The following HEXB variants were observed in gnomAD, a reference collection of about 807,000 sequenced individuals.
HEXB encodes the protein beta-hexosaminidase subunit beta.
HEXB carries 51 observed loss-of-function variants against 71.2 expected under a neutral mutation model. The observed-to-expected ratio is 0.72, with a 90% CI of 0.57 to 0.90. HEXB has a LOEUF of 0.90. Ranked by LOEUF, HEXB falls within the 40% of genes least tolerant of loss-of-function variation. HEXB has a pLI of 0.00. For synonymous variants in HEXB, 266 were observed against 249.3 expected (o/e 1.07, Z -0.63); for missense variants, 617 against 677.0 (o/e 0.91, Z 0.98).
chr5:74,657,322 C>G (rs1748239092), intron 1 of HEXB, among the ~76,000 whole-genome samples: 1 of 152,176 alleles, frequency 6.6e-6, no homozygotes, highest in Non-Finnish European at 1.5e-5. Flanking sequence ...AGGACACTGG[C>G]ACTTACTGTT....
intron 6 of HEXB, among the ~76,000 whole-genome samples, chr5:74,709,910 A>G (rs1426535747): frequency 1.3e-5 from 2 of 151,948 alleles, no homozygotes; most frequent in Non-Finnish European, 2.9e-5. Context: ...CAATAGAAAA[A>G]GAGGGAATCC....
chr5:74,642,233 C>T (rs557289639), intron 1 of HEXB, among the ~76,000 whole-genome samples: 1 of 152,322 alleles, frequency 6.6e-6, no homozygotes, highest in African/African-American at 2.4e-5. Context: ...TTAGCATTAA[C>T]TCGGCAGCCT....
intron 1 of HEXB, among the ~76,000 whole-genome samples, chr5:74,661,511 CTCTGTGTGTGTGTGTGTGTGTGTG>C (rs1443565990): frequency 1.6e-5 from 2 of 127,740 alleles, no homozygotes; most frequent in Non-Finnish European, 3.2e-5. Context: ...TTTTCTCTCT[CTCTGTGTGTGTGTGTGTGTGTGTG>C]TGTGTGTGTG....
At chr5:74,671,045 C>G (rs1487335674) in intron 1 of HEXB, among the ~76,000 whole-genome samples, 3 of 152,108 alleles carry the variant, frequency 2.0e-5, no homozygotes, top group African/African-American at 7.2e-5. Flanking sequence ...AGTCTTCAGC[C>G]AGCAAAGTGA....
intron 2 of HEXB, among the ~76,000 whole-genome samples, chr5:74,692,047 G>A (rs1190577428): frequency 6.6e-6 from 1 of 152,138 alleles, no homozygotes; most frequent in Non-Finnish European, 1.5e-5. Flanking sequence ...TCAGCCAGTT[G>A]TCAACTATTA....
chr5:74,695,289 C>T (rs1470873849), intron 3 of HEXB, among the ~76,000 whole-genome samples: 7 of 148,382 alleles, frequency 4.7e-5, no homozygotes, highest in Admixed American at 1.3e-4. Context: ...CTGCAAGCTC[C>T]GCCTCATGGG....
At chr5:74,677,801 G>C (rs2112111506) in intron 1 of HEXB, among the ~76,000 whole-genome samples, 1 of 152,046 alleles carries the variant, frequency 6.6e-6, no homozygotes, top group Non-Finnish European at 1.5e-5. Context: ...TAGTGCACTG[G>C]TCACCTGAGT....
intron 1 of HEXB, among the ~76,000 whole-genome samples, chr5:74,649,382 A>G (rs1259730568): frequency 6.6e-6 from 1 of 152,258 alleles, no homozygotes; most frequent in Non-Finnish European, 1.5e-5. Context: ...GGAGCTAGTA[A>G]CAATGACTAG....
At chr5:74,662,807 T>G (rs1748351870) in intron 1 of HEXB, among the ~76,000 whole-genome samples, 1 of 152,186 alleles carries the variant, frequency 6.6e-6, no homozygotes, top group African/African-American at 2.4e-5. Context: ...ATAATTTGGT[T>G]TTTTGTAAAG....
intron 5 of HEXB, among the ~76,000 whole-genome samples, chr5:74,701,115 T>C (rs1297205459): frequency 6.6e-6 from 1 of 151,840 alleles, no homozygotes; most frequent in East Asian, 1.9e-4. Context: ...ACTCCTGAGC[T>C]CAGGCGATCC....
chr5:74,721,249 A>T lies in HEXB; in HGVS notation c.*74A>T, dbSNP rs562077509. 17 of 1,177,918 alleles carry T rather than the reference A, an allele frequency of 1.4e-5. No homozygotes were observed. The highest frequency in any genetic ancestry group is 1.4e-4 in the African/African-American group (9 of 65,640). 73.0% of individuals were successfully genotyped at this position (1,177,918 alleles called of 1,614,324 possible). A position where few individuals can be genotyped will look rare whatever the true frequency, so the allele number is the denominator to read the frequency against. ...ATTTTGAAATCATGTAAAATAAGAT[A>T]TTAGACTGTTTTTTGAATAAAATAT... On this transcript the variant is annotated 3_prime_UTR_variant, in exon 14 of 14. Coordinates refer to ENST00000261416, the MANE Select transcript of HEXB (RefSeq NM_000521.4).
intron 1 of HEXB, among the ~76,000 whole-genome samples, chr5:74,687,787 G>C (rs911688924): frequency 1.3e-5 from 2 of 151,774 alleles, no homozygotes; most frequent in Middle Eastern, 3.2e-3. Context: ...AATCTGTCAG[G>C]GTTTTCCTAT....
chr5:74,646,712 C>T (rs891341972), intron 1 of HEXB, among the ~76,000 whole-genome samples: 2 of 151,882 alleles, frequency 1.3e-5, no homozygotes, highest in African/African-American at 2.4e-5. Context: ...GGATTACAGG[C>T]GTCTGCCACC....
chr5:74,670,540 C>T lies in HEXB; in HGVS notation c.-376-18788C>T, dbSNP rs542642563. Among the ~76,000 whole-genome samples the T allele has an allele frequency of 7.4e-4, 113 of 152,304 alleles. 1 individual carries two copies. The highest frequency in any genetic ancestry group is 3.9e-3 in the East Asian group (20 of 5,176). On this transcript the variant is annotated intron_variant, in intron 1 of 13. Coordinates refer to the HEXB transcript ENST00000511181. ...GGCCCTCTGCCCTCCGCCAGTGAAG[C>T]GCAGCTGCCTCATGTAACAGGAAGT...
At chr5:74,678,333 AAAT>A (rs1748674272) in intron 1 of HEXB, among the ~76,000 whole-genome samples, 1 of 150,420 alleles carries the variant, frequency 6.6e-6, no homozygotes, top group Non-Finnish European at 1.5e-5. Context: ...ATAAATAAAT[AAAT>A]AAATACCATG....
intron 1 of HEXB, 121 bp downstream of exon 1, chr5:74,685,680 A>C: frequency 1.2e-6 from 1 of 863,892 alleles, no homozygotes; most frequent in Non-Finnish European, 1.7e-6. Context: ...GGGAGCTGGC[A>C]GGCGATCTGC....
At chr5:74,646,047 G>A (rs1747996505) in intron 1 of HEXB, among the ~76,000 whole-genome samples, 1 of 151,564 alleles carries the variant, frequency 6.6e-6, no homozygotes, top group Non-Finnish European at 1.5e-5. Flanking sequence ...TGTTTGAGGG[G>A]CAAGTATGGC....
intron 1 of HEXB, among the ~76,000 whole-genome samples, chr5:74,644,064 C>T (rs539975265): frequency 6.6e-6 from 1 of 152,188 alleles, no homozygotes. Flanking sequence ...GTGTCAAGTT[C>T]GTGTTGGGAA....
chr5:74,689,104 C>A (rs982859303), intron 1 of HEXB, among the ~76,000 whole-genome samples: 4 of 152,100 alleles, frequency 2.6e-5, no homozygotes, highest in African/African-American at 9.7e-5. Context: ...AATTCCCATG[C>A]CTGAATCCCA....
Sources: allele counts gnomAD v4.1 joint callset (sites outside exome capture counted in the v4.1 genomes callset), GRCh38; gene constraint gnomAD v4.1.1; transcripts MANE v1.5; gene names NCBI Gene and HGNC (gene_info 2026-07-23, HGNC 2026-07-21).